Variants in SGCD observed in about 807,000 individuals in gnomAD.
The protein encoded by SGCD is delta-sarcoglycan.
A neutral mutation model predicts 36.6 loss-of-function variants in SGCD; 18 were observed. That is an observed-to-expected ratio of 0.49 (90% CI 0.34 to 0.73). The LOEUF is 0.73. Ranked by LOEUF, SGCD falls within the 30% of genes least tolerant of loss-of-function variation. The probability of loss-of-function intolerance (pLI) is 0.01; values close to 1 mark genes in which losing one functional copy is unlikely to be tolerated. For synonymous variants in SGCD, 133 were observed against 130.6 expected (o/e 1.02, Z -0.12); for missense variants, 387 against 346.7 (o/e 1.12, Z -0.92).
upstream of SGCD, among the ~76,000 whole-genome samples, chr5:155,868,398 A>G (rs1194998757): frequency 1.7e-5 from 2 of 118,202 alleles, no homozygotes; most frequent in African/African-American, 6.6e-5. Flanking sequence ...AGATCTCACT[A>G]TGTTGACCAG....
the SGCD span, among the ~76,000 whole-genome samples, chr5:155,789,180 C>T: frequency 6.6e-6 from 1 of 152,104 alleles, no homozygotes; most frequent in African/African-American, 2.4e-5. Flanking sequence ...CTTAATGATA[C>T]ACGGTCGTGT....
chr5:156,367,635 T>C (rs898348782), intron 3 of SGCD, among the ~76,000 whole-genome samples: 39 of 152,298 alleles, frequency 2.6e-4, no homozygotes, highest in African/African-American at 7.7e-4. Context: ...ATGTTGACAA[T>C]CTACACCATT....
rs540761099 is a variant in SGCD at position 156,055,977 on chromosome 5, A to G, written c.-281-61901A>G. Among the ~76,000 whole-genome samples, 8 of 146,630 alleles carry G rather than the reference A, an allele frequency of 5.5e-5. No individual in the cohort carries two copies. In the South Asian group the frequency reaches 6.5e-4, roughly 12 times the overall value. On this transcript the variant is annotated intron_variant, in intron 1 of 9. Transcript: ENST00000517913. The stretch of plus-strand genomic sequence containing the variant: ...TACAAAATGTGTTAGAATTATATAT[A>G]TATTTAAAGCTAAAGGAAAATTTTA...
intron 7 of SGCD, among the ~76,000 whole-genome samples, chr5:156,752,955 G>T (rs1757203642): frequency 6.6e-6 from 1 of 151,944 alleles, no homozygotes; most frequent in African/African-American, 2.4e-5. Flanking sequence ...TTTCTCATGG[G>T]TTACTCACTG....
intron 3 of SGCD, among the ~76,000 whole-genome samples, chr5:156,221,216 A>G (rs78454788): frequency 0.017 from 2,555 of 152,230 alleles, 77 homozygotes; most frequent in African/African-American, 0.057. Context: ...GTCCAAGATC[A>G]TGGGGGTGGC....
At chr5:156,367,851 G>T (rs1339260915) in intron 3 of SGCD, among the ~76,000 whole-genome samples, 1 of 152,196 alleles carries the variant, frequency 6.6e-6, no homozygotes, top group Admixed American at 6.5e-5. Flanking sequence ...GACACAGCAT[G>T]AACATTGTGC....
chr5:156,467,920 G>A (rs1201463004), intron 3 of SGCD, among the ~76,000 whole-genome samples: 1 of 152,210 alleles, frequency 6.6e-6, no homozygotes, highest in Non-Finnish European at 1.5e-5. Context: ...GAACTGTGGT[G>A]GCTATTAGAA....
chr5:155,960,367 G>A (rs1363235716), intron 1 of SGCD, among the ~76,000 whole-genome samples: 2 of 152,038 alleles, frequency 1.3e-5, no homozygotes, highest in Non-Finnish European at 1.5e-5. Context: ...TCATGAGTAG[G>A]AGGACGCCAA....
At chr5:156,629,467 T>C (rs1581285313) in intron 6 of SGCD, among the ~76,000 whole-genome samples, 1 of 152,180 alleles carries the variant, frequency 6.6e-6, no homozygotes, top group East Asian at 1.9e-4. Flanking sequence ...AACCATGAAG[T>C]ACTTTTCTGC....
chr5:156,628,129 A>T (rs144251071), intron 6 of SGCD, among the ~76,000 whole-genome samples: 11 of 152,250 alleles, frequency 7.2e-5, no homozygotes, highest in African/African-American at 2.6e-4. Flanking sequence ...GCAAGAGGAG[A>T]CTGGGGAGGT....
At chr5:155,750,243 A>G in the SGCD span, among the ~76,000 whole-genome samples, 20 of 152,214 alleles carry the variant, frequency 1.3e-4, no homozygotes, top group Admixed American at 6.5e-5. Context: ...GAATGTACAG[A>G]TGTGCTGCAA....
At chr5:156,547,724 G>T (rs1056863784) in intron 4 of SGCD, among the ~76,000 whole-genome samples, 3 of 152,130 alleles carry the variant, frequency 2.0e-5, no homozygotes, top group African/African-American at 7.2e-5. Context: ...TTACAGGCAC[G>T]AGCCGATAAT....
the SGCD span, among the ~76,000 whole-genome samples, chr5:155,794,544 CATAA>C: frequency 6.6e-6 from 1 of 151,654 alleles, no homozygotes; most frequent in Admixed American, 6.6e-5. Flanking sequence ...TTAATTATTC[CATAA>C]ATAAATTTAA....
chr5:156,071,420 T>C (rs1280777388), intron 1 of SGCD, among the ~76,000 whole-genome samples: 2 of 152,232 alleles, frequency 1.3e-5, no homozygotes, highest in Non-Finnish European at 2.9e-5. Flanking sequence ...GGTTGTTCAG[T>C]TTCCATGTAG....
intron 3 of SGCD, among the ~76,000 whole-genome samples, chr5:156,374,696 C>G (rs866093823): frequency 6.7e-5 from 9 of 134,946 alleles, no homozygotes; most frequent in Admixed American, 3.2e-4. Flanking sequence ...GAGTCTTGCT[C>G]TGTTGCCCAG....
chr5:155,851,406 GT>G, the SGCD span, among the ~76,000 whole-genome samples: 1 of 151,896 alleles, frequency 6.6e-6, no homozygotes, highest in South Asian at 2.1e-4. Flanking sequence ...ACATCTTGGT[GT>G]TTTTTTTGTT....
chr5:156,479,168 C>T (rs555020609), intron 3 of SGCD, among the ~76,000 whole-genome samples: 59 of 152,272 alleles, frequency 3.9e-4, no homozygotes, highest in African/African-American at 1.4e-3. Flanking sequence ...TCTCGGCTCA[C>T]TGCAACCTCC....
chr5:155,964,400 A>C (rs932231227), intron 1 of SGCD, among the ~76,000 whole-genome samples: 5 of 151,968 alleles, frequency 3.3e-5, no homozygotes, highest in African/African-American at 4.8e-5. Context: ...AGTGCAGTGC[A>C]TGATCTCAGC....
At chr5:156,174,215 T>C (rs1581146883) in intron 3 of SGCD, among the ~76,000 whole-genome samples, 1 of 152,114 alleles carries the variant, frequency 6.6e-6, no homozygotes, top group South Asian at 2.1e-4. Context: ...TACTTGCAGA[T>C]GAAGATAAGA....
Sources: gnomAD v4.1 joint callset for allele counts (sites outside exome capture counted in the v4.1 genomes callset) on GRCh38, gnomAD v4.1.1 for gene constraint, MANE v1.5 for transcripts, NCBI Gene and HGNC (gene_info 2026-07-23, HGNC 2026-07-21) for gene names.